Variants in CHI3L1 observed in about 807,000 individuals in gnomAD.
CHI3L1 encodes the protein chitinase 3 like 1, also known as chitinase-3-like protein 1.
A neutral mutation model predicts 40.7 loss-of-function variants in CHI3L1; 30 were observed. The observed-to-expected ratio is 0.74, with a 90% CI of 0.55 to 1.00. The LOEUF is 1.00. Ranked by LOEUF, CHI3L1 falls within the 50% of genes least tolerant of loss-of-function variation. The pLI is 0.00. For synonymous variants in CHI3L1, 210 were observed against 192.1 expected, an observed-to-expected ratio of 1.09 and a Z score of -0.77; for missense variants, 493 against 492.2, an observed-to-expected ratio of 1.00 and a Z score of -0.01.
intron 6 of CHI3L1, 131 bp downstream of exon 6, chr1:203,182,600 C>G: frequency 9.6e-7 from 1 of 1,042,544 alleles, no homozygotes. Flanking sequence ...GGTCACACAT[C>G]AAGGCTTTGG....
chr1:203,183,595 C>T (rs776245941), intron 5 of CHI3L1, 46 bp downstream of exon 5: 4 of 1,607,630 alleles, frequency 2.5e-6, no homozygotes, highest in Middle Eastern at 1.8e-4. Flanking sequence ...CACCCCATTC[C>T]CTCATGCCTG....
chr1:203,186,025 C>T (rs1354021456), intron 2 of CHI3L1, among the ~76,000 whole-genome samples: 1 of 152,224 alleles, frequency 6.6e-6, no homozygotes, highest in Non-Finnish European at 1.5e-5. Flanking sequence ...ATCCAAGCAG[C>T]TACTGGGCAA....
chr1:203,183,870 C>G, intron 4 of CHI3L1, 79 bp from the exon 5 acceptor site: 1 of 1,523,302 alleles, frequency 6.6e-7, no homozygotes, highest in Non-Finnish European at 9.1e-7. Flanking sequence ...GTTTCCAGGA[C>G]CTGCAGAGCT....
At chr1:203,186,444 C>CCCCCTGTT in intron 1 of CHI3L1, 99 bp from the exon 2 acceptor site, 4 of 1,497,724 alleles carry the variant, frequency 2.7e-6, no homozygotes, top group South Asian at 1.2e-5. Context: ...CCACCCCCAC[C>CCCCCTGTT]TCCTGGTTGC....
intron 5 of CHI3L1, 109 bp downstream of exon 5, chr1:203,183,532 A>C: frequency 1.7e-6 from 2 of 1,153,156 alleles, no homozygotes; most frequent in Non-Finnish European, 2.6e-6. Flanking sequence ...CTGAGGCTGA[A>C]GTCCCTCTTT....
chr1:203,179,809 C>T lies in CHI3L1; in HGVS notation c.963G>A (p.Lys321=), dbSNP rs752967493. The T allele has an allele frequency of 1.9e-6, 3 of 1,614,210 alleles. No individual in the cohort carries two copies. The East Asian group carries it at 6.7e-5, about 36-fold the overall frequency. ...ILGQQVPYAT[K]GNQWVGYDDQ... is the part of the protein sequence containing the mutation. ...CGTCGTATCCTACCCACTGGTTGCCCTTGGTGGCATAGGGGACCTGCTGGC... is the reference window on the plus strand; with the variant it reads ...CGTCGTATCCTACCCACTGGTTGCCTTTGGTGGCATAGGGGACCTGCTGGC... The change falls in exon 9 of 10, where the codon AAG becomes AAA. Residue 321 remains lysine, a synonymous_variant. Transcript: ENST00000255409.
chr1:203,186,297 A>C lies in CHI3L1; in HGVS notation c.55+19T>G. The C allele has an allele frequency of 6.3e-7, 1 of 1,580,400 alleles. No individual in the cohort carries two copies. Among genetic ancestry groups the C allele is most frequent in the Non-Finnish European group, 8.6e-7 (1 of 1,162,064 alleles). On this transcript the variant is annotated intron_variant, in intron 2 of 9. Coordinates refer to ENST00000255409, the MANE Select transcript of CHI3L1 (RefSeq NM_001276.4). ...GCCACGCCTCTGGACTTAAAAGTGGAGGTGGAGGGATTACTCACAGCACTG... is the reference window on the plus strand; with the variant it reads ...GCCACGCCTCTGGACTTAAAAGTGGCGGTGGAGGGATTACTCACAGCACTG...
intron 2 of CHI3L1, 85 bp from the exon 3 acceptor site, chr1:203,185,470 G>T: frequency 1.7e-6 from 2 of 1,184,720 alleles, no homozygotes; most frequent in Non-Finnish European, 2.5e-6. Flanking sequence ...CCAATGGGGT[G>T]TGGGGTTGGG....
At position 203,185,259 on chromosome 1, in the gene CHI3L1, A is replaced by T. The variant is rs1479083896; in HGVS notation, c.182T>A (p.Ile61Lys). The T allele has an allele frequency of 6.2e-7, 1 of 1,614,156 alleles. No homozygotes were observed. The highest frequency in any genetic ancestry group is 2.2e-5 in the East Asian group (1 of 44,866). Residue 61 changes from isoleucine (I) to lysine (K), a missense_variant, in exon 3 of 10, where the codon ATA becomes AAA. Physicochemically the swap from Ile to Lys is moderately radical, Grantham distance 102. Coordinates refer to ENST00000255409, the MANE Select transcript of CHI3L1 (RefSeq NM_001276.4). ...CTHIIYSFAN[I>K]SNDHIDTWEW... The stretch of plus-strand genomic sequence containing the variant: ...CCAGGTGTCGATGTGATCGTTGCTT[A>T]TATTGGCAAAGCTGTAGATGATGTG...
rs892377181 is a variant in CHI3L1 at position 203,179,876 on chromosome 1, A to T, written c.896T>A (p.Ile299Asn). ...TGTGGCTCCGCGGAGGAAGTCACAGATCTGAGCAGATAACAGGGAAAAGGC... is the reference window on the plus strand; with the variant it reads ...TGTGGCTCCGCGGAGGAAGTCACAGTTCTGAGCAGATAACAGGGAAAAGGC... ...KEAGTLAYYE[I>N]CDFLRGATVH... The change falls in exon 9 of 10, where the codon ATC becomes AAC. Residue 299 changes from isoleucine to asparagine, a missense_variant and splice_region_variant. By Grantham distance (149) the Ile-to-Asn change is moderately radical (BLOSUM62 -3). Transcript: ENST00000255409. The T allele has an allele frequency of 6.2e-7, 1 of 1,613,940 alleles. No homozygotes were observed. Among genetic ancestry groups the T allele is most frequent in the African/African-American group, 1.3e-5 (1 of 75,052 alleles).
At chr1:203,184,780 G>T in intron 3 of CHI3L1, 148 bp from the exon 4 acceptor site, 1 of 663,990 alleles carries the variant, frequency 1.5e-6, no homozygotes, top group Non-Finnish European at 2.7e-6. Context: ...AGGACATCAT[G>T]GGAATCCCAT....
At position 203,186,335 on chromosome 1, in the gene CHI3L1, G is replaced by A. The variant is rs550747280; in HGVS notation, c.36C>T (p.Val12=). ...GVKASQTGFV[V]LVLLQCCSAY... Reference sequence around the variant, plus strand: ...ACTCACAGCACTGGAGCAGCACCAGGACCACAAAGCCTGAAGAGAAATCCA... The same window carrying A: ...ACTCACAGCACTGGAGCAGCACCAGAACCACAAAGCCTGAAGAGAAATCCA... Residue 12 remains valine (V), a synonymous_variant, in exon 2 of 10, where the codon GTC becomes GTT. Coordinates refer to ENST00000255409, the MANE Select transcript of CHI3L1 (RefSeq NM_001276.4). The A allele has an allele frequency of 6.3e-7, 1 of 1,592,544 alleles. No individual in the cohort carries two copies. Among genetic ancestry groups the A allele is most frequent in the East Asian group, 2.3e-5 (1 of 43,870 alleles).
At chr1:203,181,450 G>A in intron 6 of CHI3L1, 165 bp from the exon 7 acceptor site, 4 of 596,458 alleles carry the variant, frequency 6.7e-6, no homozygotes, top group Admixed American at 3.4e-5. Flanking sequence ...GTGAAACCCC[G>A]TCTCTACTCT....
intron 5 of CHI3L1, among the ~76,000 whole-genome samples, chr1:203,183,181 T>C (rs1412324709): frequency 2.0e-5 from 3 of 152,198 alleles, no homozygotes; most frequent in Non-Finnish European, 2.9e-5. Flanking sequence ...CTGTGCTTTG[T>C]TCTAGCTGGT....
intron 9 of CHI3L1, 77 bp from the exon 10 acceptor site, chr1:203,179,662 C>T: frequency 6.2e-7 from 1 of 1,613,854 alleles, no homozygotes; most frequent in East Asian, 2.2e-5. Context: ...GCTCTGTGAG[C>T]CCAGCCCAGA....
chr1:203,185,619 A>G (rs1656040257), intron 2 of CHI3L1, among the ~76,000 whole-genome samples: 2 of 152,224 alleles, frequency 1.3e-5, no homozygotes, highest in Admixed American at 6.5e-5. Flanking sequence ...AAAAGATCCA[A>G]TGCAGGGGAT....
In CHI3L1 at chr1:203,182,722, G is replaced by A. The variant is rs762400992; in HGVS notation, c.587+9C>T. On this transcript the variant is annotated intron_variant, in intron 6 of 9. Coordinates refer to ENST00000255409, the MANE Select transcript of CHI3L1 (RefSeq NM_001276.4). ...GTTCTGGGGAGGCTGCCTGGGGCAG[G>A]AGACTCACTGGGATATCTTGGCAAT... is the stretch of plus-strand genomic sequence containing the variant. The A allele has an allele frequency of 2.0e-5, 33 of 1,613,858 alleles. No homozygotes were observed. Among genetic ancestry groups the A allele is most frequent in the Non-Finnish European group, 2.5e-5 (30 of 1,179,988 alleles).
In CHI3L1 at chr1:203,179,894, G is replaced by GA. The variant is rs1655897968; in HGVS notation, c.895-18dup. 3 of 1,612,314 alleles carry GA rather than the reference G, an allele frequency of 1.9e-6. No homozygotes were observed. The highest frequency in any genetic ancestry group is 2.5e-6 in the Non-Finnish European group (3 of 1,178,534). Reference sequence around the variant, plus strand: ...GTCACAGATCTGAGCAGATAACAGGGAAAAGGCAGTGTGGGGAGTCGTGCC... The same window carrying GA: ...GTCACAGATCTGAGCAGATAACAGGGAAAAAGGCAGTGTGGGGAGTCGTGCC... On this transcript the variant is annotated splice_polypyrimidine_tract_variant and intron_variant, in intron 8 of 9. Coordinates refer to ENST00000255409, the MANE Select transcript of CHI3L1 (RefSeq NM_001276.4).
chr1:203,185,255 G>T lies in CHI3L1; in HGVS notation c.186C>A (p.Ser62Arg). 6.2e-7 allele frequency: 1 copy of T among 1,614,182 alleles called. No homozygotes were observed. Among genetic ancestry groups the T allele is most frequent in the Non-Finnish European group, 8.5e-7 (1 of 1,180,018 alleles). Residue 62 changes from serine (S) to arginine (R), a missense_variant, in exon 3 of 10, where the codon AGC becomes AGA. Ser to Arg is a moderately radical substitution (Grantham distance 110). Coordinates refer to ENST00000255409, the MANE Select transcript of CHI3L1 (RefSeq NM_001276.4). ...THIIYSFANI[S>R]NDHIDTWEWN... Reference sequence around the variant, plus strand: ...ACTCCCAGGTGTCGATGTGATCGTTGCTTATATTGGCAAAGCTGTAGATGA... The same window carrying T: ...ACTCCCAGGTGTCGATGTGATCGTTTCTTATATTGGCAAAGCTGTAGATGA...
Sources: gnomAD v4.1 joint callset for allele counts (sites outside exome capture counted in the v4.1 genomes callset) on GRCh38, gnomAD v4.1.1 for gene constraint, MANE v1.5 for transcripts, NCBI Gene and HGNC (gene_info 2026-07-23, HGNC 2026-07-21) for gene names.